The following DCC variants were observed in gnomAD, a reference collection of about 807,000 sequenced individuals.
DCC encodes the protein netrin receptor DCC.
In DCC, 58 loss-of-function variants were observed where a neutral mutation model predicts 172.5. The observed-to-expected ratio is 0.34, with a 90% CI of 0.27 to 0.42. DCC has a LOEUF of 0.42. Among genes scored for constraint, DCC ranks in the 10% least tolerant of loss-of-function variants. The pLI, the probability that DCC is intolerant of heterozygous loss-of-function variation, is 1.00. For synonymous variants in DCC, 709 were observed against 644.5 expected (o/e 1.10, Z -1.52); for missense variants, 1,740 against 1,791.0 (o/e 0.97, Z 0.51).
At chr18:52,651,345 T>A (rs2035127086) in intron 1 of DCC, among the ~76,000 whole-genome samples, 1 of 152,024 alleles carries the variant, frequency 6.6e-6, no homozygotes, top group Admixed American at 6.6e-5. Flanking sequence ...CACACTTGGA[T>A]TTCTAAAAAA....
At chr18:53,379,796 G>A (rs933842491) in intron 15 of DCC, among the ~76,000 whole-genome samples, 1 of 152,140 alleles carries the variant, frequency 6.6e-6, no homozygotes, top group Non-Finnish European at 1.5e-5. Flanking sequence ...TACAAGAAAG[G>A]TTGGCCAAAC....
intron 7 of DCC, among the ~76,000 whole-genome samples, chr18:53,092,288 T>G (rs972595412): frequency 6.6e-6 from 1 of 152,142 alleles, no homozygotes; most frequent in African/African-American, 2.4e-5. Context: ...AGGTGACTCT[T>G]AAGCAGATTT....
chr18:52,586,645 T>G (rs1396666746), intron 1 of DCC, among the ~76,000 whole-genome samples: 1 of 152,168 alleles, frequency 6.6e-6, no homozygotes, highest in East Asian at 1.9e-4. Context: ...AATGGATCAC[T>G]AGGGGTGACG....
rs527751600 is a variant in DCC at position 53,160,339 on chromosome 18, C to T, written c.1418+2827C>T. ...CCTTTATTTAGGACTCTGAACACAA[C>T]GAAACTTTGATTTCATAGAGATCTG... is the stretch of plus-strand genomic sequence containing the variant. On this transcript the variant is annotated intron_variant, in intron 8 of 28. Transcript: ENST00000442544. Among the ~76,000 whole-genome samples the T allele has an allele frequency of 5.3e-5, 8 of 152,234 alleles. No homozygotes were observed. The South Asian group carries it at 6.2e-4, about 12-fold the overall frequency.
At chr18:52,761,371 A>T (rs1169397807) in intron 2 of DCC, among the ~76,000 whole-genome samples, 1 of 152,234 alleles carries the variant, frequency 6.6e-6, no homozygotes, top group Non-Finnish European at 1.5e-5. Flanking sequence ...CAGTCAAATC[A>T]TATCAGTCAT....
At chr18:53,319,834 A>G (rs988176223) in intron 13 of DCC, among the ~76,000 whole-genome samples, 14 of 150,192 alleles carry the variant, frequency 9.3e-5, no homozygotes, top group African/African-American at 3.5e-4. Flanking sequence ...GATTACGGCA[A>G]TATCTCTTAG....
chr18:52,681,328 A>G (rs910732957), intron 1 of DCC, among the ~76,000 whole-genome samples: 4 of 152,034 alleles, frequency 2.6e-5, no homozygotes, highest in Admixed American at 2.0e-4. Context: ...ATTTATCTAC[A>G]TATCAACTAT....
chr18:52,474,583 G>T (rs373104684), intron 1 of DCC, among the ~76,000 whole-genome samples: 1 of 152,186 alleles, frequency 6.6e-6, no homozygotes, highest in African/African-American at 2.4e-5. Context: ...AACTCACTGA[G>T]GTTGTGACTT....
At chr18:52,561,899 G>A (rs571417905) in intron 1 of DCC, among the ~76,000 whole-genome samples, 118 of 152,272 alleles carry the variant, frequency 7.7e-4, no homozygotes, top group South Asian at 3.5e-3. Context: ...CAGAGGATAA[G>A]TGTTTTTATC....
intron 5 of DCC, among the ~76,000 whole-genome samples, chr18:52,983,591 C>T (rs760223993): frequency 8.5e-5 from 13 of 152,160 alleles, no homozygotes; most frequent in Non-Finnish European, 1.5e-4. Flanking sequence ...GCACCCGTCA[C>T]CTTCTTTTCC....
intron 12 of DCC, among the ~76,000 whole-genome samples, chr18:53,260,870 C>T (rs567797684): frequency 1.1e-3 from 174 of 152,218 alleles, no homozygotes; most frequent in African/African-American, 3.4e-3. Context: ...GCTTCAGGGC[C>T]GCTTTGTTTA....
At chr18:53,441,278 T>A (rs2145130470) in intron 22 of DCC, among the ~76,000 whole-genome samples, 1 of 152,268 alleles carries the variant, frequency 6.6e-6, no homozygotes, top group African/African-American at 2.4e-5. Flanking sequence ...CACTGCCCTT[T>A]TGCCAGGCCT....
At chr18:53,021,751 T>C (rs1413768807) in intron 5 of DCC, among the ~76,000 whole-genome samples, 1 of 152,264 alleles carries the variant, frequency 6.6e-6, no homozygotes, top group Admixed American at 6.5e-5. Context: ...AGCACGTCAC[T>C]GTTAATTCTA....
chr18:53,512,758 A>G (rs1318139690), intron 27 of DCC, among the ~76,000 whole-genome samples: 1 of 148,830 alleles, frequency 6.7e-6, no homozygotes. Context: ...GGAAGTTTAG[A>G]GAAAAAAGAA....
intron 10 of DCC, among the ~76,000 whole-genome samples, chr18:53,206,275 C>T (rs189020005): frequency 2.4e-4 from 32 of 132,224 alleles, no homozygotes; most frequent in African/African-American, 8.3e-4. Context: ...TGTATTATAA[C>T]ACATATATAC....
intron 1 of DCC, among the ~76,000 whole-genome samples, chr18:52,391,314 AAT>A (rs1986022015): frequency 2.6e-5 from 4 of 152,078 alleles, no homozygotes; most frequent in Admixed American, 2.6e-4. Context: ...TATGGATCTT[AAT>A]ATCTAAAATC....
At chr18:52,701,183 G>C (rs1444403747) in intron 1 of DCC, among the ~76,000 whole-genome samples, 1 of 152,126 alleles carries the variant, frequency 6.6e-6, no homozygotes, top group Non-Finnish European at 1.5e-5. Flanking sequence ...ATCTTTCCAA[G>C]TGTTTTTACC....
chr18:53,116,371 A>G (rs2043409139), intron 7 of DCC, among the ~76,000 whole-genome samples: 1 of 151,718 alleles, frequency 6.6e-6, no homozygotes, highest in Admixed American at 6.6e-5. Context: ...GGAGAGGAAG[A>G]AGTAAAGTGA....
At chr18:52,497,503 C>T (rs1369052830) in intron 1 of DCC, among the ~76,000 whole-genome samples, 1 of 141,384 alleles carries the variant, frequency 7.1e-6, no homozygotes, top group East Asian at 2.2e-4. Flanking sequence ...GCTAGTTTTG[C>T]TTGATATAGT....
Sources: gnomAD v4.1 joint callset for allele counts (sites outside exome capture counted in the v4.1 genomes callset) on GRCh38, gnomAD v4.1.1 for gene constraint, MANE v1.5 for transcripts, NCBI Gene and HGNC (gene_info 2026-07-23, HGNC 2026-07-21) for gene names.